CHRM2: variants seen among roughly 807,000 people sequenced by gnomAD.
The protein encoded by CHRM2 is muscarinic acetylcholine receptor M2.
Under a neutral mutation model 25.0 loss-of-function variants are expected in CHRM2, and 8 were observed. That is an observed-to-expected ratio of 0.32 (90% CI 0.19 to 0.58). CHRM2 has a LOEUF of 0.58. CHRM2 is among the 20% of genes least tolerant of loss of function. CHRM2 has a pLI of 0.88. For synonymous variants in CHRM2, 202 were observed against 205.7 expected, an observed-to-expected ratio of 0.98 and a Z score of 0.15; for missense variants, 440 against 567.1, an observed-to-expected ratio of 0.78 and a Z score of 2.28.
intron 2 of CHRM2, among the ~76,000 whole-genome samples, chr7:136,916,283 A>G (rs2130709892): frequency 6.6e-6 from 1 of 152,050 alleles, no homozygotes; most frequent in Non-Finnish European, 1.5e-5. Flanking sequence ...AGAAAAACTC[A>G]ACATAAGGAT....
intron 2 of CHRM2, among the ~76,000 whole-genome samples, chr7:136,923,386 G>A (rs1798562037): frequency 6.6e-6 from 1 of 151,448 alleles, no homozygotes; most frequent in Admixed American, 6.6e-5. Context: ...TCCCTGGAAT[G>A]TGCTCCCTGC....
chr7:136,959,297 T>C (rs1391286801), intron 2 of CHRM2, among the ~76,000 whole-genome samples: 2 of 152,234 alleles, frequency 1.3e-5, no homozygotes, highest in African/African-American at 4.8e-5. Context: ...AGTATGAATT[T>C]TAAAGGAGGT....
chr7:136,981,983 G>A (rs1460580225), intron 2 of CHRM2, among the ~76,000 whole-genome samples: 1 of 152,120 alleles, frequency 6.6e-6, no homozygotes, highest in Non-Finnish European at 1.5e-5. Context: ...CCAGAGCTGA[G>A]TTCAAGTCTT....
intron 2 of CHRM2, among the ~76,000 whole-genome samples, chr7:136,887,645 T>G (rs1328621888): frequency 6.6e-6 from 1 of 152,058 alleles, no homozygotes; most frequent in East Asian, 1.9e-4. Context: ...GAACAGATAA[T>G]TCATTGTGAA....
chr7:137,009,366 T>C (rs949942044), intron 3 of CHRM2, among the ~76,000 whole-genome samples: 8 of 152,140 alleles, frequency 5.3e-5, no homozygotes, highest in Non-Finnish European at 1.2e-4. Context: ...TTAATTCACA[T>C]GGTGATATGT....
chr7:136,904,192 T>A (rs1797402724), intron 2 of CHRM2, among the ~76,000 whole-genome samples: 1 of 151,944 alleles, frequency 6.6e-6, no homozygotes, highest in Admixed American at 6.6e-5. Flanking sequence ...TTCCCCTTCA[T>A]CCTTATACTG....
intron 2 of CHRM2, among the ~76,000 whole-genome samples, chr7:136,922,898 G>GA (rs1798529240): frequency 6.6e-6 from 1 of 152,154 alleles, no homozygotes; most frequent in Admixed American, 6.5e-5. Context: ...TTTACAAAGG[G>GA]ATCGTAGAAG....
intron 2 of CHRM2, among the ~76,000 whole-genome samples, chr7:136,912,698 A>G (rs1217196537): frequency 6.6e-6 from 1 of 151,942 alleles, no homozygotes; most frequent in Non-Finnish European, 1.5e-5. Context: ...TTTTTGATGA[A>G]CAATAAGACT....
At chr7:136,946,278 G>A (rs959074665) in intron 2 of CHRM2, among the ~76,000 whole-genome samples, 1 of 152,096 alleles carries the variant, frequency 6.6e-6, no homozygotes, top group Admixed American at 6.5e-5. Flanking sequence ...TATCAAAATA[G>A]GTTATATAAG....
chr7:136,903,201 G>C (rs902318414), intron 2 of CHRM2: 1 of 534,248 alleles, frequency 1.9e-6, no homozygotes, highest in East Asian at 5.5e-5. Flanking sequence ...TTCATTGTTC[G>C]ACACCATGGA....
chr7:136,962,087 A>G (rs1002914418), intron 2 of CHRM2, among the ~76,000 whole-genome samples: 1 of 152,044 alleles, frequency 6.6e-6, no homozygotes, highest in Admixed American at 6.6e-5. Flanking sequence ...ATATGACCAC[A>G]TTTTCATAAC....
chr7:136,917,262 C>A (rs1204111183), intron 2 of CHRM2, among the ~76,000 whole-genome samples: 1 of 151,746 alleles, frequency 6.6e-6, no homozygotes, highest in African/African-American at 2.4e-5. Flanking sequence ...TCTCTTCCTT[C>A]CTTAGATGTT....
At chr7:137,014,007 A>G (rs1805001558) in intron 3 of CHRM2, among the ~76,000 whole-genome samples, 1 of 152,018 alleles carries the variant, frequency 6.6e-6, no homozygotes, top group Non-Finnish European at 1.5e-5. Context: ...ACATTCAGAA[A>G]AGTGGTATTT....
chr7:136,903,381 C>A, intron 2 of CHRM2: 1 of 367,430 alleles, frequency 2.7e-6, no homozygotes, highest in South Asian at 2.4e-5. Flanking sequence ...TTCCTGCTTT[C>A]AAAAATGGGA....
At chr7:136,922,418 TCTGTTCACTGG>T (rs1487228137) in intron 2 of CHRM2, among the ~76,000 whole-genome samples, 1 of 152,210 alleles carries the variant, frequency 6.6e-6, no homozygotes, top group Non-Finnish European at 1.5e-5. Flanking sequence ...GAAATGCAAA[TCTGTTCACTGG>T]CTTAAAGCTT....
At chr7:136,903,602 T>G in intron 2 of CHRM2, among the ~76,000 whole-genome samples, 1 of 152,028 alleles carries the variant, frequency 6.6e-6, no homozygotes, top group East Asian at 1.9e-4. Context: ...AAATCTAGCA[T>G]TTAAGACTGC....
intron 2 of CHRM2, among the ~76,000 whole-genome samples, chr7:136,981,970 G>T (rs1162705312): frequency 2.0e-5 from 3 of 152,218 alleles, no homozygotes; most frequent in East Asian, 3.9e-4. Flanking sequence ...AGGTCGACTT[G>T]GTCCAGAGCT....
At chr7:136,969,019 G>A (rs1009452056) in intron 2 of CHRM2, among the ~76,000 whole-genome samples, 1 of 151,990 alleles carries the variant, frequency 6.6e-6, no homozygotes, top group East Asian at 1.9e-4. Flanking sequence ...TCAGTTCTAT[G>A]CATAATAATA....
chr7:136,987,631 T>C (rs761592523), intron 2 of CHRM2, among the ~76,000 whole-genome samples: 1 of 152,346 alleles, frequency 6.6e-6, no homozygotes, highest in African/African-American at 2.4e-5. Context: ...TGGCCACAGC[T>C]GTGCCAATGG....
Sources: allele counts gnomAD v4.1 joint callset (sites outside exome capture counted in the v4.1 genomes callset), GRCh38; gene constraint gnomAD v4.1.1; transcripts MANE v1.5; gene names NCBI Gene and HGNC (gene_info 2026-07-23, HGNC 2026-07-21).